MACROD2: variants seen among roughly 807,000 people sequenced by gnomAD.
The protein encoded by MACROD2 is ADP-ribose glycohydrolase MACROD2.
In MACROD2, 36 loss-of-function variants were observed where a neutral mutation model predicts 70.4. The ratio of observed to expected loss-of-function variants is 0.51; its 90% confidence interval spans 0.39 to 0.68. The LOEUF (loss-of-function observed/expected upper bound fraction) is 0.68. MACROD2 is among the 30% of genes least tolerant of loss of function. The probability of loss-of-function intolerance (pLI) is 0.00; values close to 1 mark genes in which losing one functional copy is unlikely to be tolerated. For missense variants in MACROD2, 496 were observed against 538.4 expected, an observed-to-expected ratio of 0.92 and a Z score of 0.78; for synonymous variants, 172 against 178.8, an observed-to-expected ratio of 0.96 and a Z score of 0.30.
intron 3 of MACROD2, among the ~76,000 whole-genome samples, chr20:14,342,193 G>A (rs888905331): frequency 1.3e-5 from 2 of 152,164 alleles, no homozygotes; most frequent in Non-Finnish European, 2.9e-5. Flanking sequence ...ACTGAGAATG[G>A]AGGACAGGGC....
intron 6 of MACROD2, among the ~76,000 whole-genome samples, chr20:15,276,541 C>T (rs964114989): frequency 2.6e-5 from 4 of 152,064 alleles, no homozygotes; most frequent in African/African-American, 9.7e-5. Context: ...GTAAGTCTTA[C>T]CATAAAGTTA....
intron 5 of MACROD2, among the ~76,000 whole-genome samples, chr20:15,152,721 G>C (rs1447050160): frequency 6.6e-6 from 1 of 152,016 alleles, no homozygotes; most frequent in Non-Finnish European, 1.5e-5. Flanking sequence ...GACCAAAGCA[G>C]GCGTCCCTGC....
intron 3 of MACROD2, among the ~76,000 whole-genome samples, chr20:14,088,968 A>G (rs370955171): frequency 1.3e-5 from 2 of 152,236 alleles, no homozygotes; most frequent in Non-Finnish European, 2.9e-5. Context: ...AAAACAGAAG[A>G]ACATCATTAA....
At chr20:14,578,340 G>A (rs1487623978) in intron 4 of MACROD2, among the ~76,000 whole-genome samples, 1 of 151,780 alleles carries the variant, frequency 6.6e-6, no homozygotes, top group African/African-American at 2.4e-5. Flanking sequence ...ATTATTACAG[G>A]CGATATACTT....
At chr20:14,836,527 C>T (rs2073031997) in intron 5 of MACROD2, among the ~76,000 whole-genome samples, 1 of 152,044 alleles carries the variant, frequency 6.6e-6, no homozygotes, top group Non-Finnish European at 1.5e-5. Context: ...CATATGATGA[C>T]TGTCTTTAAA....
intron 8 of MACROD2, among the ~76,000 whole-genome samples, chr20:15,804,458 C>T (rs1022834476): frequency 2.6e-5 from 4 of 152,164 alleles, no homozygotes; most frequent in African/African-American, 9.7e-5. Flanking sequence ...ATTCTGTAAA[C>T]AATGACAAAC....
At chr20:14,100,130 TAC>T (rs2148677929) in intron 3 of MACROD2, among the ~76,000 whole-genome samples, 1 of 152,138 alleles carries the variant, frequency 6.6e-6, no homozygotes, top group South Asian at 2.1e-4. Context: ...CTATTATTAT[TAC>T]TACTATCACT....
chr20:15,323,976 T>G (rs1403210052), intron 6 of MACROD2, among the ~76,000 whole-genome samples: 1 of 150,982 alleles, frequency 6.6e-6, no homozygotes, highest in African/African-American at 2.4e-5. Context: ...TTGCAGAACT[T>G]TTTTTTTTGT....
chr20:15,047,139 C>T (rs1049483563), intron 5 of MACROD2, among the ~76,000 whole-genome samples: 3 of 152,284 alleles, frequency 2.0e-5, no homozygotes, highest in Middle Eastern at 3.4e-3. Flanking sequence ...ATGGATGTTA[C>T]ATCATCATTA....
chr20:15,709,636 C>T (rs1480603505), intron 8 of MACROD2, among the ~76,000 whole-genome samples: 1 of 152,014 alleles, frequency 6.6e-6, no homozygotes, highest in Non-Finnish European at 1.5e-5. Context: ...CACTGCACTC[C>T]CGCCTAGGTG....
chr20:14,157,752 C>T (rs2055124332), intron 3 of MACROD2, among the ~76,000 whole-genome samples: 1 of 152,120 alleles, frequency 6.6e-6, no homozygotes, highest in African/African-American at 2.4e-5. Flanking sequence ...CTGCAAAAGA[C>T]ATAATTTCAT....
chr20:14,332,925 A>T (rs1372292162), intron 3 of MACROD2, among the ~76,000 whole-genome samples: 1 of 152,166 alleles, frequency 6.6e-6, no homozygotes, highest in African/African-American at 2.4e-5. Context: ...ACGGTATTTC[A>T]AATAAACTAC....
At chr20:14,016,023 C>T (rs1386078534) in intron 2 of MACROD2, among the ~76,000 whole-genome samples, 2 of 152,162 alleles carry the variant, frequency 1.3e-5, no homozygotes, top group Non-Finnish European at 2.9e-5. Flanking sequence ...GGTAATTCTA[C>T]TTAACTTTTT....
At chr20:14,106,984 G>A (rs1258313924) in intron 3 of MACROD2, among the ~76,000 whole-genome samples, 1 of 152,118 alleles carries the variant, frequency 6.6e-6, no homozygotes, top group African/African-American at 2.4e-5. Context: ...TTAGTGCCCA[G>A]ACACCAGTAA....
At chr20:15,866,248 T>C (rs1387298187) in intron 9 of MACROD2, among the ~76,000 whole-genome samples, 6 of 152,000 alleles carry the variant, frequency 3.9e-5, no homozygotes, top group Non-Finnish European at 7.4e-5. Context: ...AAAAATTAGC[T>C]GAGAGTGGTG....
At chr20:15,271,618 A>T (rs2077347255) in intron 6 of MACROD2, among the ~76,000 whole-genome samples, 1 of 152,216 alleles carries the variant, frequency 6.6e-6, no homozygotes, top group Admixed American at 6.5e-5. Flanking sequence ...GACATGTAGT[A>T]TGGGCTCAAT....
intron 4 of MACROD2, among the ~76,000 whole-genome samples, chr20:14,512,785 C>T (rs560579701): frequency 1.3e-5 from 2 of 152,086 alleles, no homozygotes; most frequent in Non-Finnish European, 2.9e-5. Context: ...CTGGAAAAGT[C>T]ATCTTTGAAG....
intron 8 of MACROD2, among the ~76,000 whole-genome samples, chr20:15,641,201 T>G (rs1344069979): frequency 6.6e-6 from 1 of 152,224 alleles, no homozygotes; most frequent in Non-Finnish European, 1.5e-5. Context: ...CCATGCCTCC[T>G]CTTGCCTCAT....
At chr20:15,821,198 A>C (rs903143140) in intron 8 of MACROD2, among the ~76,000 whole-genome samples, 2 of 152,120 alleles carry the variant, frequency 1.3e-5, no homozygotes, top group African/African-American at 4.8e-5. Flanking sequence ...GCTTGTCTTC[A>C]TATTAAGTTG....
Sources: allele counts gnomAD v4.1 joint callset (sites outside exome capture counted in the v4.1 genomes callset), GRCh38; gene constraint gnomAD v4.1.1; transcripts MANE v1.5; gene names NCBI Gene and HGNC (gene_info 2026-07-23, HGNC 2026-07-21).